The following BCL11A variants were observed in gnomAD, a reference collection of about 807,000 sequenced individuals.
BCL11A encodes the protein B cell CLL/lymphoma 11A.
Under a neutral mutation model 55.9 loss-of-function variants are expected in BCL11A, and 2 were observed. The observed-to-expected ratio is 0.04, with a 90% confidence interval of 0.01 to 0.11. The LOEUF is 0.11. BCL11A is among the 10% of genes least tolerant of loss of function. The probability of loss-of-function intolerance (pLI) is 1.00; values close to 1 mark genes in which losing one functional copy is unlikely to be tolerated. For synonymous variants in BCL11A, 465 were observed against 473.4 expected (o/e 0.98, Z 0.23); for missense variants, 817 against 1,137.1 (o/e 0.72, Z 4.05).
At chr2:60,452,938 A>G (rs1261589812), downstream of BCL11A, 1 of 364,092 alleles carries the variant, frequency 2.7e-6, no homozygotes. Flanking sequence ...GATAGTCCTA[A>G]TAAACTCGGG....
chr2:60,529,866 G>T (rs1018873681), intron 2 of BCL11A, among the ~76,000 whole-genome samples: 1 of 152,192 alleles, frequency 6.6e-6, no homozygotes, highest in Non-Finnish European at 1.5e-5. Context: ...AAGCCCTGGT[G>T]TCCCCTAGGT....
rs1676059163 is a variant in BCL11A at position 60,458,606 on chromosome 2, T to C, written c.*1798A>G. The stretch of plus-strand genomic sequence containing the variant: ...TCAAGTAAATGGCTGGCAAAGTTTT[T>C]TTTTTTTTAGTTTTTAAAAAATGCT... On this transcript the variant is annotated 3_prime_UTR_variant, in exon 4 of 4. Transcript: ENST00000642384. The C allele has an allele frequency of 1.9e-6, 2 of 1,034,056 alleles. No individual in the cohort carries two copies. The highest frequency in any genetic ancestry group is 1.7e-5 in the African/African-American group (1 of 59,326). The allele number at this position is 1,034,056 out of a possible 1,614,324, so 64.1% of individuals were successfully genotyped here.
chr2:60,491,528 C>T (rs576384621), intron 2 of BCL11A, among the ~76,000 whole-genome samples: 3 of 151,832 alleles, frequency 2.0e-5, no homozygotes, highest in Non-Finnish European at 4.4e-5. Flanking sequence ...CAAAATTAGC[C>T]GGGCATGGTA....
chr2:60,457,952 C>A lies in BCL11A; in HGVS notation c.*2452G>T. ...TAATGTCACACTTTTTTGTTTCTCTCTTTTTTTTTTTTTTGAAGCATACAA... is the reference window on the plus strand; with the variant it reads ...TAATGTCACACTTTTTTGTTTCTCTATTTTTTTTTTTTTTGAAGCATACAA... On this transcript the variant is annotated 3_prime_UTR_variant, in exon 4 of 4. Coordinates refer to ENST00000642384, the MANE Select transcript of BCL11A (RefSeq NM_022893.4). 1.1e-6 allele frequency: 1 copy of A among 917,142 alleles called. No individual in the cohort carries two copies. Among genetic ancestry groups the A allele is most frequent in the East Asian group, 6.7e-5 (1 of 14,836 alleles). The allele number at this position is 917,142 out of a possible 1,614,324, so 56.8% of individuals were successfully genotyped here. A position where few individuals can be genotyped will look rare whatever the true frequency, so the allele number is the denominator to read the frequency against.
At chr2:60,528,606 AC>A (rs1669311048) in intron 2 of BCL11A, 1 of 152,314 alleles carries the variant, frequency 6.6e-6, no homozygotes, top group African/African-American at 2.4e-5. Flanking sequence ...GTTGCCTGGC[AC>A]CGCTGAAGAA....
chr2:60,495,163 G>A (rs1048614416), intron 2 of BCL11A, among the ~76,000 whole-genome samples: 2 of 152,114 alleles, frequency 1.3e-5, no homozygotes, highest in African/African-American at 2.4e-5. Context: ...TCCGAAAGAG[G>A]CCCCCCTGGG....
chr2:60,553,120 C>T, intron 1 of BCL11A, 96 bp downstream of exon 1: 2 of 1,294,728 alleles, frequency 1.5e-6, no homozygotes, highest in South Asian at 1.4e-5. Context: ...TTTAAAAATG[C>T]ATGCACACAC....
At chr2:60,519,759 G>A (rs1044576094) in intron 2 of BCL11A, among the ~76,000 whole-genome samples, 7 of 152,196 alleles carry the variant, frequency 4.6e-5, no homozygotes, top group Non-Finnish European at 2.9e-5. Context: ...GTGGGCATGG[G>A]ACTGTGCTTA....
intron 1 of BCL11A, chr2:60,549,925 C>A (rs1049844547): frequency 2.6e-5 from 4 of 152,286 alleles, no homozygotes; most frequent in African/African-American, 7.2e-5. Context: ...GCGGCGGCTG[C>A]GGTTATTCAT....
intron 2 of BCL11A, among the ~76,000 whole-genome samples, chr2:60,488,700 C>T (rs181530069): frequency 6.6e-6 from 1 of 152,294 alleles, no homozygotes; most frequent in Admixed American, 6.5e-5. Flanking sequence ...AGCCAAAGAT[C>T]CAAAAACAGC....
chr2:60,527,813 T>C (rs1669271799), intron 2 of BCL11A: 1 of 152,218 alleles, frequency 6.6e-6, no homozygotes. Flanking sequence ...TTTGAAAGGA[T>C]GGAGAATACA....
chr2:60,532,901 A>C (rs1388320310), intron 2 of BCL11A: 1 of 152,186 alleles, frequency 6.6e-6, no homozygotes, highest in Non-Finnish European at 1.5e-5. Flanking sequence ...CCACCACCAA[A>C]ATTTAATGGT....
chr2:60,453,826 C>G (rs1429162704), downstream of BCL11A, among the ~76,000 whole-genome samples: 4 of 152,140 alleles, frequency 2.6e-5, no homozygotes, highest in East Asian at 7.7e-4. Context: ...TTCTACCATC[C>G]CTATGAAAGA....
At chr2:60,508,400 C>G (rs1679768051) in intron 2 of BCL11A, among the ~76,000 whole-genome samples, 1 of 152,180 alleles carries the variant, frequency 6.6e-6, no homozygotes, top group Non-Finnish European at 1.5e-5. Context: ...GCAGCCGGGT[C>G]CCTGAGTCTG....
chr2:60,472,806 T>G (rs1197073442), intron 2 of BCL11A, among the ~76,000 whole-genome samples: 1 of 152,240 alleles, frequency 6.6e-6, no homozygotes, highest in African/African-American at 2.4e-5. Context: ...ACAGCCACAT[T>G]ACTGTCTACT....
intron 2 of BCL11A, among the ~76,000 whole-genome samples, chr2:60,497,948 G>A (rs1036831643): frequency 1.3e-5 from 2 of 152,070 alleles, no homozygotes; most frequent in Non-Finnish European, 2.9e-5. Context: ...TTCATTGGCC[G>A]AGGATGACCC....
At chr2:60,472,436 T>C (rs553176835) in intron 2 of BCL11A, among the ~76,000 whole-genome samples, 4 of 152,336 alleles carry the variant, frequency 2.6e-5, no homozygotes, top group Middle Eastern at 3.4e-3. Flanking sequence ...CCTGTTCTAT[T>C]TCATAAAGGT....
At chr2:60,533,310 T>A (rs895526338) in intron 2 of BCL11A, 1 of 152,272 alleles carries the variant, frequency 6.6e-6, no homozygotes, top group African/African-American at 2.4e-5. Context: ...CTTGTTAGGA[T>A]CCCTTTCTTG....
At chr2:60,478,478 G>C (rs1677759903) in intron 2 of BCL11A, among the ~76,000 whole-genome samples, 1 of 152,236 alleles carries the variant, frequency 6.6e-6, no homozygotes, top group Non-Finnish European at 1.5e-5. Flanking sequence ...AGTGACTGGT[G>C]TGTGGACTTC....
Sources: allele counts gnomAD v4.1 joint callset (sites outside exome capture counted in the v4.1 genomes callset), GRCh38; gene constraint gnomAD v4.1.1; transcripts MANE v1.5; gene names NCBI Gene and HGNC (gene_info 2026-07-23, HGNC 2026-07-21).